The following ANO1 variants were observed in gnomAD, a reference collection of about 807,000 sequenced individuals.
The protein encoded by ANO1 is anoctamin 1, also known as anoctamin-1.
ANO1 carries 59 observed loss-of-function variants against 124.0 expected under a neutral mutation model. That is an observed-to-expected ratio of 0.48 (90% CI 0.39 to 0.59). The LOEUF (loss-of-function observed/expected upper bound fraction) is 0.59, where lower values mean the gene tolerates loss of function less well. ANO1 is among the 20% of genes least tolerant of loss of function. The probability of loss-of-function intolerance (pLI) is 0.00; values close to 1 mark genes in which losing one functional copy is unlikely to be tolerated. For missense variants in ANO1, 1,059 were observed against 1,328.0 expected, an observed-to-expected ratio of 0.80 and a Z score of 3.15; for synonymous variants, 529 against 532.0, an observed-to-expected ratio of 0.99 and a Z score of 0.08.
chr11:69,970,309 AG>A, the ANO1 span, among the ~76,000 whole-genome samples: 1 of 152,168 alleles, frequency 6.6e-6, no homozygotes, highest in African/African-American at 2.4e-5. Flanking sequence ...TCCCAGCCCC[AG>A]CCTTGGCCTC....
At chr11:70,163,636 G>C (rs562991186) in intron 19 of ANO1, 3 of 592,126 alleles carry the variant, frequency 5.1e-6, no homozygotes. Context: ...TTCTCTTCTG[G>C]TTAAGATGAA....
At position 70,187,641 on chromosome 11, in the gene ANO1, G is replaced by A. The variant is rs566669132; in HGVS notation, c.2695-97G>A. 1.0e-4 allele frequency: 145 copies of A among 1,432,256 alleles called. 1 individual carries two copies. The South Asian group carries it at 1.9e-3, about 19-fold the overall frequency. The allele number at this position is 1,432,256 out of a possible 1,614,324, so 88.7% of individuals were successfully genotyped here. On this transcript the variant is annotated intron_variant, in intron 25 of 25. Transcript: ENST00000355303. ...GGAGGTCAATGGGCCAGGAGGTGGT[G>A]GGGTGGCACTCCACCAGATGGGGGC...
chr11:70,031,955 C>A (rs991868989), intron 1 of ANO1, among the ~76,000 whole-genome samples: 1 of 152,166 alleles, frequency 6.6e-6, no homozygotes, highest in Non-Finnish European at 1.5e-5. Context: ...ACCCAACCCC[C>A]CCTCCTCACG....
chr11:70,060,935 TA>T (rs1307768093), intron 1 of ANO1, among the ~76,000 whole-genome samples: 9 of 152,064 alleles, frequency 5.9e-5, no homozygotes, highest in Non-Finnish European at 1.0e-4. Flanking sequence ...GGAAAAAACT[TA>T]GGGTCTATGA....
chr11:70,013,441 T>C (rs1376451184), intron 1 of ANO1, among the ~76,000 whole-genome samples: 1 of 152,064 alleles, frequency 6.6e-6, no homozygotes, highest in East Asian at 1.9e-4. Flanking sequence ...AAAGCACACA[T>C]GTCCCAGGCA....
chr11:69,984,477 T>C (rs1188024070), upstream of ANO1, among the ~76,000 whole-genome samples: 1 of 144,108 alleles, frequency 6.9e-6, no homozygotes, highest in East Asian at 2.1e-4. Flanking sequence ...GGAAGGAATC[T>C]TGCCTCTCGT....
intron 11 of ANO1, among the ~76,000 whole-genome samples, chr11:70,134,071 A>C (rs917049865): frequency 6.6e-6 from 1 of 152,004 alleles, no homozygotes; most frequent in African/African-American, 2.4e-5. Flanking sequence ...CTCACCCTGG[A>C]ATCTTATTGG....
At chr11:70,082,353 G>A (rs1331983032) in intron 1 of ANO1, among the ~76,000 whole-genome samples, 1 of 152,208 alleles carries the variant, frequency 6.6e-6, no homozygotes, top group Non-Finnish European at 1.5e-5. Context: ...AAGGTCAAGA[G>A]TTCAAGACCA....
chr11:70,074,471 T>C (rs1417645385), upstream of ANO1, among the ~76,000 whole-genome samples: 1 of 152,126 alleles, frequency 6.6e-6, no homozygotes, highest in Non-Finnish European at 1.5e-5. Context: ...TGGAGTGAGC[T>C]CTGGTTTGAG....
At chr11:70,163,253 T>C in intron 18 of ANO1, 30 bp from the exon 19 acceptor site, 1 of 1,609,682 alleles carries the variant, frequency 6.2e-7, no homozygotes, top group African/African-American at 1.3e-5. Context: ...GGGCTCATCT[T>C]TTCTCTAACG....
intron 1 of ANO1, among the ~76,000 whole-genome samples, chr11:70,017,025 G>A (rs78845649): frequency 3.3e-5 from 5 of 152,204 alleles, no homozygotes; most frequent in South Asian, 2.1e-4. Flanking sequence ...CCAGGCTGCC[G>A]GGGGCAAGGA....
upstream of ANO1, among the ~76,000 whole-genome samples, chr11:69,984,204 T>C (rs1205634881): frequency 3.9e-5 from 6 of 152,342 alleles, no homozygotes; most frequent in East Asian, 1.9e-4. Context: ...AAAAGTTCTG[T>C]GAAATGAATG....
Position 70,174,940 on chromosome 11 carries a change from G to GAAAAT in ANO1, c.2350+3905_2350+3906insTAAAA, listed in dbSNP as rs757407669. Among the ~76,000 whole-genome samples, 1,379 of 152,076 alleles carry GAAAAT rather than the reference G, an allele frequency of 9.1e-3. 10 individuals carry two copies. Among genetic ancestry groups the GAAAAT allele is most frequent in the Non-Finnish European group, 0.014 (939 of 67,952 alleles). Reference sequence around the variant, plus strand: ...AAAGAAAAAAGAAAAGAAAAGAAAAGAAAAGAAGAGTGCAGCCCACACTGA... The same window carrying GAAAAT: ...AAAGAAAAAAGAAAAGAAAAGAAAAGAAAATAAAAGAAGAGTGCAGCCCACACTGA... On this transcript the variant is annotated intron_variant, in intron 22 of 25. Coordinates refer to ENST00000355303, the MANE Select transcript of ANO1 (RefSeq NM_018043.7).
intron 1 of ANO1, among the ~76,000 whole-genome samples, chr11:70,017,413 G>A (rs548870429): frequency 1.4e-4 from 21 of 151,920 alleles, no homozygotes; most frequent in African/African-American, 4.8e-4. Flanking sequence ...AGACCAGCCT[G>A]GGCAACAGTT....
intron 5 of ANO1, 160 bp from the exon 6 acceptor site, chr11:70,108,193 C>T: frequency 1.6e-6 from 1 of 614,308 alleles, no homozygotes; most frequent in Non-Finnish European, 2.7e-6. Flanking sequence ...GCTGGGTCAA[C>T]CCTCCCTGAA....
In ANO1 at chr11:70,182,693, C is replaced by T. The variant is rs762702063; in HGVS notation, c.2588+7C>T. ...ACGAGGTGCAGATCTGCAGGTACTG[C>T]TCTCTGCTCCCCTCTTTGAAAAGCC... On this transcript the variant is annotated splice_region_variant and intron_variant, in intron 24 of 25. Transcript: ENST00000355303. The T allele has an allele frequency of 1.3e-6, 2 of 1,544,398 alleles. No individual in the cohort carries two copies. The highest frequency in any genetic ancestry group is 4.7e-5 in the East Asian group (2 of 42,398).
At chr11:70,175,209 C>T (rs2048646107) in intron 22 of ANO1, among the ~76,000 whole-genome samples, 2 of 152,244 alleles carry the variant, frequency 1.3e-5, no homozygotes, top group South Asian at 2.1e-4. Context: ...GCAGGCCTTC[C>T]GCGTGCCTCT....
intron 11 of ANO1, among the ~76,000 whole-genome samples, chr11:70,136,248 A>AG (rs1173507682): frequency 1.3e-5 from 2 of 152,124 alleles, no homozygotes; most frequent in Non-Finnish European, 2.9e-5. Context: ...CCTGATTCCC[A>AG]GGGGGCAGCA....
intron 8 of ANO1, among the ~76,000 whole-genome samples, chr11:70,117,096 CTTTCTTTTT>C (rs1443618580): frequency 1.3e-5 from 1 of 75,966 alleles, no homozygotes; most frequent in Non-Finnish European, 2.6e-5. Context: ...TTCTTTGTTT[CTTTCTTTTT>C]TTTTTTTTTT....
Sources: allele counts gnomAD v4.1 joint callset (sites outside exome capture counted in the v4.1 genomes callset), GRCh38; gene constraint gnomAD v4.1.1; transcripts MANE v1.5; gene names NCBI Gene and HGNC (gene_info 2026-07-23, HGNC 2026-07-21).